The following ZRANB3 variants were observed in gnomAD, a reference collection of about 807,000 sequenced individuals.
ZRANB3 encodes the protein DNA annealing helicase and endonuclease ZRANB3.
A neutral mutation model predicts 133.8 loss-of-function variants in ZRANB3; 125 were observed. The ratio of observed to expected loss-of-function variants is 0.93; its 90% CI spans 0.81 to 1.08. The LOEUF (loss-of-function observed/expected upper bound fraction) is 1.08, where lower values mean the gene tolerates loss of function less well. Among genes scored for constraint, ZRANB3 ranks in the 50% least tolerant of loss-of-function variants. ZRANB3 has a pLI of 0.00. For synonymous variants in ZRANB3, 387 were observed against 432.7 expected, an observed-to-expected ratio of 0.89 and a Z score of 1.31; for missense variants, 1,229 against 1,275.5, an observed-to-expected ratio of 0.96 and a Z score of 0.56.
intron 6 of ZRANB3, among the ~76,000 whole-genome samples, chr2:135,332,005 A>C (rs1684169222): frequency 6.6e-6 from 1 of 152,162 alleles, no homozygotes; most frequent in Non-Finnish European, 1.5e-5. Flanking sequence ...AGACAATGTT[A>C]ATGCATGGGA....
chr2:135,494,108 G>A (rs1252238879), intron 2 of ZRANB3, among the ~76,000 whole-genome samples: 2 of 144,624 alleles, frequency 1.4e-5, no homozygotes, highest in Non-Finnish European at 3.0e-5. Context: ...ATAGAAAGGA[G>A]GGAGGGAGGG....
chr2:135,326,619 C>T (rs373984904), intron 6 of ZRANB3, among the ~76,000 whole-genome samples: 8 of 151,826 alleles, frequency 5.3e-5, no homozygotes, highest in South Asian at 2.1e-4. Context: ...AGAACAGTCC[C>T]GGCCAGGCAT....
chr2:135,511,333 G>A (rs1253844802), intron 1 of ZRANB3: 1 of 852,712 alleles, frequency 1.2e-6, no homozygotes, highest in Admixed American at 1.7e-5. Flanking sequence ...ACACATTCTT[G>A]TTCTGGTTCT....
intron 6 of ZRANB3, among the ~76,000 whole-genome samples, chr2:135,336,543 A>C (rs1448174494): frequency 6.6e-6 from 1 of 152,208 alleles, no homozygotes; most frequent in Non-Finnish European, 1.5e-5. Context: ...CAAGGTAAAG[A>C]AGTAAAGGAA....
chr2:135,460,420 C>T (rs1690712537), intron 2 of ZRANB3, among the ~76,000 whole-genome samples: 1 of 151,926 alleles, frequency 6.6e-6, no homozygotes, highest in Non-Finnish European at 1.5e-5. Context: ...CGCCACCACG[C>T]CCAGCTAATT....
chr2:135,486,124 A>T (rs1692107085), intron 2 of ZRANB3, among the ~76,000 whole-genome samples: 1 of 152,160 alleles, frequency 6.6e-6, no homozygotes, highest in South Asian at 2.1e-4. Context: ...AATTTCTTGA[A>T]AATAAGGCAA....
rs938969089 is a variant in ZRANB3 at position 135,415,501 on chromosome 2, G to T, written c.162-24681C>A. Among the ~76,000 whole-genome samples, 28 of 152,214 alleles carry T rather than the reference G, an allele frequency of 1.8e-4. 1 individual carries two copies. The highest frequency in any genetic ancestry group is 6.3e-4 in the African/African-American group (26 of 41,538). On this transcript the variant is annotated intron_variant, in intron 2 of 20. Transcript: ENST00000264159. ...ACCAAAAAGAGTCCAGGACCAGATG[G>T]ATTCACAGCCGAATTCTACCAGAGG...
chr2:135,427,290 G>T (rs1449870905), intron 2 of ZRANB3, among the ~76,000 whole-genome samples: 2 of 152,060 alleles, frequency 1.3e-5, no homozygotes, highest in Admixed American at 6.6e-5. Flanking sequence ...ATTTGCAGAT[G>T]ATATAATTCT....
chr2:135,518,208 G>T (rs1046567711), intron 1 of ZRANB3, among the ~76,000 whole-genome samples: 1 of 152,206 alleles, frequency 6.6e-6, no homozygotes, highest in East Asian at 1.9e-4. Context: ...CCATGGGGTG[G>T]GATCTGCTGA....
intron 8 of ZRANB3, among the ~76,000 whole-genome samples, chr2:135,297,952 G>C (rs1293917810): frequency 1.3e-5 from 2 of 151,914 alleles, no homozygotes; most frequent in African/African-American, 4.8e-5. Context: ...TTATTGGCTG[G>C]GCTTGGTAGC....
intron 2 of ZRANB3, among the ~76,000 whole-genome samples, chr2:135,404,639 C>A (rs1687917575): frequency 6.6e-6 from 1 of 152,122 alleles, no homozygotes; most frequent in African/African-American, 2.4e-5. Flanking sequence ...AACTCCAAGA[C>A]ACACAATTCT....
intron 6 of ZRANB3, among the ~76,000 whole-genome samples, chr2:135,331,253 T>C (rs1462111292): frequency 6.6e-6 from 1 of 152,202 alleles, no homozygotes; most frequent in Non-Finnish European, 1.5e-5. Context: ...GAGATTCTGG[T>C]ACGTTGTGCC....
At chr2:135,324,246 A>C (rs1430124055) in intron 6 of ZRANB3, among the ~76,000 whole-genome samples, 1 of 127,404 alleles carries the variant, frequency 7.8e-6, no homozygotes, top group African/African-American at 2.8e-5. Flanking sequence ...CTCACCCCAC[A>C]ACAGGCCCCG....
intron 2 of ZRANB3, among the ~76,000 whole-genome samples, chr2:135,461,340 G>C (rs544543744): frequency 7.1e-4 from 108 of 152,206 alleles, no homozygotes; most frequent in African/African-American, 2.4e-3. Context: ...GAGGCCAAAG[G>C]GGGCAGATCA....
intron 3 of ZRANB3, among the ~76,000 whole-genome samples, chr2:135,367,058 C>T (rs1380545807): frequency 6.6e-6 from 1 of 151,954 alleles, no homozygotes; most frequent in Admixed American, 6.6e-5. Flanking sequence ...ATTTAAAGAA[C>T]GTTGGCACCA....
chr2:135,251,670 T>C (rs935870833), intron 12 of ZRANB3, among the ~76,000 whole-genome samples: 49 of 152,188 alleles, frequency 3.2e-4, no homozygotes, highest in African/African-American at 1.1e-3. Context: ...GCCGCCAACA[T>C]GTAAGAAGTG....
chr2:135,498,862 A>G (rs1559039482), intron 2 of ZRANB3, among the ~76,000 whole-genome samples: 1 of 152,114 alleles, frequency 6.6e-6, no homozygotes, highest in East Asian at 1.9e-4. Flanking sequence ...CACCTAATAA[A>G]TTTTGGTCAG....
intron 2 of ZRANB3, among the ~76,000 whole-genome samples, chr2:135,397,286 T>G (rs919603218): frequency 8.6e-5 from 13 of 151,056 alleles, no homozygotes; most frequent in Admixed American, 7.3e-4. Flanking sequence ...CCACTAAAAC[T>G]AAAAATAAAA....
At chr2:135,527,386 C>T (rs974918134) in intron 1 of ZRANB3, among the ~76,000 whole-genome samples, 2 of 151,866 alleles carry the variant, frequency 1.3e-5, no homozygotes, top group African/African-American at 4.8e-5. Context: ...TGGTGAAACC[C>T]CATCTCTATT....
Sources: allele counts gnomAD v4.1 joint callset (sites outside exome capture counted in the v4.1 genomes callset), GRCh38; gene constraint gnomAD v4.1.1; transcripts MANE v1.5; gene names NCBI Gene and HGNC (gene_info 2026-07-23, HGNC 2026-07-21).